SH3RF3: variants seen among roughly 807,000 people sequenced by gnomAD.
The protein encoded by SH3RF3 is SH3 domain containing ring finger 3.
In SH3RF3, 29 loss-of-function variants were observed where a neutral mutation model predicts 66.3. The observed-to-expected ratio is 0.44, with a 90% CI of 0.33 to 0.60. The LOEUF is 0.60. Ranked by LOEUF, SH3RF3 falls within the 20% of genes least tolerant of loss-of-function variation. The pLI is 0.04. For synonymous variants in SH3RF3, 583 were observed against 532.0 expected (o/e 1.10, Z -1.32); for missense variants, 1,194 against 1,190.9 (o/e 1.00, Z -0.04).
In SH3RF3 at chr2:109,230,334, C is replaced by T. The variant is rs72952047; in HGVS notation, c.573+100221C>T. Among the ~76,000 whole-genome samples the T allele has an allele frequency of 8.8e-3, 1,344 of 152,140 alleles. 16 individuals are homozygous for T. Among genetic ancestry groups the T allele is most frequent in the African/African-American group, 0.031 (1,285 of 41,498 alleles). On this transcript the variant is annotated intron_variant, in intron 1 of 9. Coordinates refer to ENST00000309415, the MANE Select transcript of SH3RF3 (RefSeq NM_001099289.3). Reference sequence around the variant, plus strand: ...CTCACGCCTGTAAACCCAGCACTTCCGAGAGGCCAAGGTGGGGGGCTCTCT... The same window carrying T: ...CTCACGCCTGTAAACCCAGCACTTCTGAGAGGCCAAGGTGGGGGGCTCTCT...
At chr2:109,166,811 C>T (rs922806771) in intron 1 of SH3RF3, among the ~76,000 whole-genome samples, 16 of 152,214 alleles carry the variant, frequency 1.1e-4, no homozygotes, top group African/African-American at 3.4e-4. Context: ...AAGTACAAAA[C>T]TATACTTAAG....
rs199936909 is a variant in SH3RF3 at position 109,436,916 on chromosome 2, C to T, written c.1598C>T (p.Pro533Leu). Residue 533 changes from proline to leucine, a missense_variant, in exon 7 of 10, where the codon CCG (proline) becomes CTG (leucine). By Grantham distance (98) the Pro-to-Leu change is moderately conservative. Coordinates refer to ENST00000309415, the MANE Select transcript of SH3RF3 (RefSeq NM_001099289.3). The part of the protein sequence containing the change: ...VSRVPAGGAG[P>L]PRNNVVGGSP... ...AGGGTGCCTGCAGGAGGGGCAGGGC[C>T]GCCCCGGAATAATGTAGTCGGAGGG... is the stretch of plus-strand genomic sequence containing the variant. The T allele has an allele frequency of 2.0e-3, 3,201 of 1,613,448 alleles. 4 individuals carry two copies. The highest frequency in any genetic ancestry group is 2.6e-3 in the Non-Finnish European group (3,089 of 1,179,874).
intron 1 of SH3RF3, among the ~76,000 whole-genome samples, chr2:109,175,248 C>G (rs895528135): frequency 6.6e-6 from 1 of 152,170 alleles, no homozygotes; most frequent in Admixed American, 6.5e-5. Context: ...TTTTCCTTGC[C>G]TGGCACTTGT....
At chr2:109,170,851 C>A (rs1225252476) in intron 1 of SH3RF3, among the ~76,000 whole-genome samples, 1 of 152,204 alleles carries the variant, frequency 6.6e-6, no homozygotes, top group African/African-American at 2.4e-5. Context: ...GCGCTTTTCT[C>A]CCCTCAGTAA....
intron 5 of SH3RF3, among the ~76,000 whole-genome samples, chr2:109,422,037 T>C (rs192611300): frequency 6.6e-6 from 1 of 152,344 alleles, no homozygotes; most frequent in Non-Finnish European, 1.5e-5. Flanking sequence ...CTATCCTCTT[T>C]AACTCTAAGA....
In SH3RF3 at chr2:109,410,595, G is replaced by A. The variant is rs1036935205; in HGVS notation, c.1300-8944G>A. 2.0e-5 allele frequency among the ~76,000 whole-genome samples: 3 copies of A among 152,232 alleles called. No homozygotes were observed. In the East Asian group the frequency reaches 5.8e-4, roughly 29 times the overall value. ...GGCTGTGTTGTTGAGCATCCTGCCC[G>A]AGGGAGGGATTGCTGGAGTTGTTCT... On this transcript the variant is annotated intron_variant, in intron 4 of 9. Transcript: ENST00000309415.
intron 1 of SH3RF3, among the ~76,000 whole-genome samples, chr2:109,274,881 A>G (rs1469375075): frequency 6.0e-5 from 9 of 150,164 alleles, no homozygotes; most frequent in Non-Finnish European, 1.5e-5. Flanking sequence ...CCATATAAAA[A>G]TGTTCTAGAT....
intron 1 of SH3RF3, among the ~76,000 whole-genome samples, chr2:109,165,364 G>A (rs768846616): frequency 2.6e-5 from 4 of 152,176 alleles, no homozygotes; most frequent in Non-Finnish European, 4.4e-5. Context: ...AGATGTTGGC[G>A]GATGCTGTCC....
intron 8 of SH3RF3, among the ~76,000 whole-genome samples, chr2:109,486,375 G>A (rs762918129): frequency 6.6e-6 from 1 of 152,112 alleles, no homozygotes; most frequent in Non-Finnish European, 1.5e-5. Context: ...TCAGTGGTTC[G>A]GGTGCTCTCC....
intron 1 of SH3RF3, among the ~76,000 whole-genome samples, chr2:109,330,166 G>T (rs1305724718): frequency 6.6e-6 from 1 of 152,220 alleles, no homozygotes; most frequent in Non-Finnish European, 1.5e-5. Flanking sequence ...GAGGGAACAT[G>T]CTGGAAGGAA....
chr2:109,142,380 C>A lies in SH3RF3; in HGVS notation c.573+12267C>A, dbSNP rs190830616. Among the ~76,000 whole-genome samples, 290 of 152,306 alleles carry A rather than the reference C, an allele frequency of 1.9e-3. 1 individual carries two copies. The highest frequency in any genetic ancestry group is 6.6e-3 in the African/African-American group (276 of 41,558). On this transcript the variant is annotated intron_variant, in intron 1 of 9. Transcript: ENST00000309415. ...TGTGCCTCCTCTGATTTTAATAGGACCCCAAAGCACCCTGTGGGGTTAGCT... is the reference window on the plus strand; with the variant it reads ...TGTGCCTCCTCTGATTTTAATAGGAACCCAAAGCACCCTGTGGGGTTAGCT...
intron 6 of SH3RF3, among the ~76,000 whole-genome samples, chr2:109,433,498 C>T (rs1171565841): frequency 6.6e-6 from 1 of 152,222 alleles, no homozygotes; most frequent in Non-Finnish European, 1.5e-5. Flanking sequence ...AGAAGCCCCT[C>T]GTGGGCACGG....
At chr2:109,458,028 G>GT (rs149064420) in intron 8 of SH3RF3, among the ~76,000 whole-genome samples, 1,653 of 152,202 alleles carry the variant, frequency 0.011, 39 homozygotes, top group African/African-American at 0.038. Flanking sequence ...GTTTTATTTT[G>GT]TTTTTTCAGG....
intron 1 of SH3RF3, among the ~76,000 whole-genome samples, chr2:109,188,033 T>C (rs758222452): frequency 6.6e-6 from 1 of 152,090 alleles, no homozygotes; most frequent in Non-Finnish European, 1.5e-5. Context: ...TTGGGTGGAG[T>C]CTGCACCGGC....
At chr2:109,385,399 A>G (rs1158830697) in intron 3 of SH3RF3, among the ~76,000 whole-genome samples, 2 of 152,224 alleles carry the variant, frequency 1.3e-5, no homozygotes, top group Non-Finnish European at 2.9e-5. Context: ...GAGCAGGAAG[A>G]AGCCCCCATG....
Position 109,432,516 on chromosome 2 carries a change from C to T in SH3RF3, c.1419C>T (p.Tyr473=), listed in dbSNP as rs115992510. 6.3e-3 allele frequency: 10,184 copies of T among 1,613,478 alleles called. 48 individuals are homozygous for T. The highest frequency in any genetic ancestry group is 7.5e-3 in the Non-Finnish European group (8,866 of 1,179,760). Reference sequence around the variant, plus strand: ...TTGCCCGCAGGTACCTGGCGCTCTACGCCTACAAGCCCCAGAAGAGTGACG... The same window carrying T: ...TTGCCCGCAGGTACCTGGCGCTCTATGCCTACAAGCCCCAGAAGAGTGACG... ...QLPLNVYLAL[Y]AYKPQKSDEL... Residue 473 remains tyrosine (Y), a synonymous_variant, in exon 6 of 10, where the codon TAC becomes TAT. Coordinates refer to ENST00000309415, the MANE Select transcript of SH3RF3 (RefSeq NM_001099289.3).
intron 3 of SH3RF3, among the ~76,000 whole-genome samples, chr2:109,378,354 A>T (rs1037643467): frequency 6.6e-6 from 1 of 152,176 alleles, no homozygotes; most frequent in African/African-American, 2.4e-5. Flanking sequence ...TGGGAGAGGG[A>T]TGGAAGGATG....
At chr2:109,375,705 G>A (rs112454824) in intron 3 of SH3RF3, among the ~76,000 whole-genome samples, 1 of 152,238 alleles carries the variant, frequency 6.6e-6, no homozygotes, top group Non-Finnish European at 1.5e-5. Context: ...TGCCCTCTCT[G>A]TGGCATGAGT....
chr2:109,150,380 C>T (rs1039395308), intron 1 of SH3RF3, among the ~76,000 whole-genome samples: 1 of 152,064 alleles, frequency 6.6e-6, no homozygotes, highest in Non-Finnish European at 1.5e-5. Context: ...GGATTTTTGT[C>T]TATAACCTGA....
Sources: allele counts gnomAD v4.1 joint callset (sites outside exome capture counted in the v4.1 genomes callset), GRCh38; gene constraint gnomAD v4.1.1; transcripts MANE v1.5; gene names NCBI Gene and HGNC (gene_info 2026-07-23, HGNC 2026-07-21).